The following DHTKD1 variants were observed in gnomAD, a reference collection of about 807,000 sequenced individuals.
DHTKD1 encodes the protein 2-oxoadipate dehydrogenase complex component E1.
In DHTKD1, 78 loss-of-function variants were observed where a neutral mutation model predicts 101.8. The observed-to-expected ratio is 0.77, with a 90% CI of 0.64 to 0.93. DHTKD1 has a LOEUF of 0.93. Ranked by LOEUF, DHTKD1 falls within the 40% of genes least tolerant of loss-of-function variation. The pLI, the probability that DHTKD1 is intolerant of heterozygous loss-of-function variation, is 0.00. For missense variants in DHTKD1, 1,223 were observed against 1,161.7 expected (o/e 1.05, Z -0.77); for synonymous variants, 462 against 450.3 (o/e 1.03, Z -0.33).
chr10:12,074,729 A>G (rs944033937), intron 1 of DHTKD1, among the ~76,000 whole-genome samples: 1 of 151,138 alleles, frequency 6.6e-6, no homozygotes. Context: ...CGGAGTGACT[A>G]TGTCTCAAAA....
intron 1 of DHTKD1, among the ~76,000 whole-genome samples, chr10:12,071,168 A>G (rs898411188): frequency 3.3e-5 from 5 of 152,198 alleles, no homozygotes; most frequent in African/African-American, 1.2e-4. Context: ...TGATATACAA[A>G]GAGAAGGGAT....
chr10:12,074,419 G>A (rs1243216368), intron 1 of DHTKD1, among the ~76,000 whole-genome samples: 1 of 151,026 alleles, frequency 6.6e-6, no homozygotes, highest in Non-Finnish European at 1.5e-5. Flanking sequence ...GCAGTGGCAC[G>A]ATCTCTGCTC....
intron 7 of DHTKD1, 142 bp downstream of exon 7, chr10:12,094,413 GT>G: frequency 1.4e-6 from 1 of 723,254 alleles, no homozygotes; most frequent in Non-Finnish European, 2.4e-6. Flanking sequence ...CACCTCCCGG[GT>G]TCAAATGATC....
At chr10:12,115,232 G>A (rs1234525149) in intron 13 of DHTKD1, among the ~76,000 whole-genome samples, 2 of 152,186 alleles carry the variant, frequency 1.3e-5, no homozygotes, top group African/African-American at 4.8e-5. Context: ...CAGTAGCTGG[G>A]ATTACAGGCT....
At chr10:12,075,330 C>T (rs1832709172) in intron 1 of DHTKD1, among the ~76,000 whole-genome samples, 1 of 152,198 alleles carries the variant, frequency 6.6e-6, no homozygotes, top group African/African-American at 2.4e-5. Flanking sequence ...AGGTGCTTCT[C>T]GCCATGCCCG....
At chr10:12,104,056 T>C (rs144354323) in intron 10 of DHTKD1, among the ~76,000 whole-genome samples, 10 of 152,318 alleles carry the variant, frequency 6.6e-5, no homozygotes, top group African/African-American at 1.9e-4. Context: ...TTTGTTTCTA[T>C]TGATCTGCCT....
In DHTKD1 at chr10:12,101,026, T is replaced by C. The variant is rs2131616364; in HGVS notation, c.1757-16T>C. On this transcript the variant is annotated splice_polypyrimidine_tract_variant and intron_variant, in intron 9 of 16. Coordinates refer to ENST00000263035, the MANE Select transcript of DHTKD1 (RefSeq NM_018706.7). ...TATTTATGGGAATCTGACTTTTTTT[T>C]TCTTGCTTGCTTAAGGTTTTAATGT... 1 of 1,612,656 alleles carries C rather than the reference T, an allele frequency of 6.2e-7. No individual in the cohort carries two copies. Among genetic ancestry groups the C allele is most frequent in the South Asian group, 1.1e-5 (1 of 90,776 alleles).
At chr10:12,115,899 C>T (rs1833408737) in intron 13 of DHTKD1, among the ~76,000 whole-genome samples, 1 of 150,966 alleles carries the variant, frequency 6.6e-6, no homozygotes, top group Non-Finnish European at 1.5e-5. Flanking sequence ...GTAGCTGGGA[C>T]TATTAGGTGT....
chr10:12,106,151 C>A, intron 10 of DHTKD1, 95 bp from the exon 11 acceptor site: 1 of 1,271,224 alleles, frequency 7.9e-7, no homozygotes, highest in Non-Finnish European at 1.1e-6. Context: ...AGCAAGGCTC[C>A]CTCTCCGCAC....
intron 1 of DHTKD1, among the ~76,000 whole-genome samples, chr10:12,075,814 G>T (rs1029430095): frequency 6.6e-6 from 1 of 151,928 alleles, no homozygotes; most frequent in Non-Finnish European, 1.5e-5. Flanking sequence ...TACAGTTGAA[G>T]TACGTTTTAT....
Position 12,107,077 on chromosome 10 carries a change from T to C in DHTKD1, c.2047+681T>C, listed in dbSNP as rs1187645578. Among the ~76,000 whole-genome samples, 1 of 151,550 alleles carries C rather than the reference T, an allele frequency of 6.6e-6. No individual in the cohort carries two copies. The highest frequency in any genetic ancestry group is 2.0e-4 in the East Asian group (1 of 5,128). ...TCGGCTCACTGCAAGCTCCGCCTAC[T>C]GGGTTTGCACGATTCTCCTGCCTCA... On this transcript the variant is annotated intron_variant, in intron 11 of 16. Transcript: ENST00000263035. This position sits in a 1 kb window ranked among gnomAD's most constrained non-coding sequence, Gnocchi z 4.1.
At chr10:12,071,978 G>T (rs1167447869) in intron 1 of DHTKD1, among the ~76,000 whole-genome samples, 1 of 152,052 alleles carries the variant, frequency 6.6e-6, no homozygotes, top group Non-Finnish European at 1.5e-5. Flanking sequence ...AACTATTACC[G>T]TGTTTTATTT....
chr10:12,085,442 C>T (rs193073252), intron 3 of DHTKD1, among the ~76,000 whole-genome samples: 1 of 152,252 alleles, frequency 6.6e-6, no homozygotes, highest in Non-Finnish European at 1.5e-5. Flanking sequence ...CTCAGAGATC[C>T]TTGTTCTGAG....
At chr10:12,084,321 AT>A (rs923083752) in intron 2 of DHTKD1, among the ~76,000 whole-genome samples, 4 of 118,922 alleles carry the variant, frequency 3.4e-5, no homozygotes, top group African/African-American at 8.2e-5. Context: ...TTTTTTTTAA[AT>A]TTTTTTTAAA....
intron 11 of DHTKD1, 116 bp downstream of exon 11, chr10:12,106,512 C>G: frequency 7.5e-7 from 1 of 1,329,620 alleles, no homozygotes; most frequent in Non-Finnish European, 1.1e-6. Context: ...TGTGCGGCGG[C>G]GCCTCCAGGG....
chr10:12,095,674 G>A lies in DHTKD1; in HGVS notation c.1358+1403G>A, dbSNP rs1036351389. On this transcript the variant is annotated intron_variant, in intron 7 of 16. Coordinates refer to ENST00000263035, the MANE Select transcript of DHTKD1 (RefSeq NM_018706.7). ...TAAAAATACAAAAAATTAGCCGGGC[G>A]TGGTGGCGGGCGCCTGTAGTCCCAG... 1.4e-4 allele frequency among the ~76,000 whole-genome samples: 21 copies of A among 151,944 alleles called. No individual in the cohort carries two copies. In the South Asian group the frequency reaches 3.5e-3, roughly 26 times the overall value.
chr10:12,096,155 G>A (rs1295833728), intron 7 of DHTKD1, among the ~76,000 whole-genome samples: 1 of 152,040 alleles, frequency 6.6e-6, no homozygotes, highest in Non-Finnish European at 1.5e-5. Flanking sequence ...GTGACGGAGG[G>A]GGAATTTGTT....
chr10:12,117,592 G>A (rs1049973710), intron 13 of DHTKD1, 81 bp from the exon 14 acceptor site: 64 of 839,654 alleles, frequency 7.6e-5, no homozygotes, highest in African/African-American at 1.2e-4. Flanking sequence ...TTTGGTACTC[G>A]TGTTTGATAG....
intron 8 of DHTKD1, 28 bp from the exon 9 acceptor site, chr10:12,100,150 C>CA: frequency 1.4e-6 from 2 of 1,397,236 alleles, no homozygotes; most frequent in Non-Finnish European, 2.0e-6. Context: ...TTAGACGTTC[C>CA]TTTTTTTTCT....
Sources: gnomAD v4.1 joint callset for allele counts (sites outside exome capture counted in the v4.1 genomes callset) on GRCh38, gnomAD v4.1.1 for gene constraint, Gnocchi (gnomAD v3.1) non-coding constraint, MANE v1.5 for transcripts, NCBI Gene and HGNC (gene_info 2026-07-23, HGNC 2026-07-21) for gene names.